The following KCNT1 variants were observed in gnomAD, a reference collection of about 807,000 sequenced individuals.
KCNT1 encodes the protein potassium channel subfamily T member 1.
KCNT1 carries 78 observed loss-of-function variants against 147.8 expected under a neutral mutation model. The ratio of observed to expected loss-of-function variants is 0.53; its 90% CI spans 0.44 to 0.64. The LOEUF (loss-of-function observed/expected upper bound fraction) is 0.64. Among genes scored for constraint, KCNT1 ranks in the 30% least tolerant of loss-of-function variants. The pLI is 0.00. For synonymous variants in KCNT1, 867 were observed against 748.8 expected (o/e 1.16, Z -2.58); for missense variants, 1,419 against 1,750.3 (o/e 0.81, Z 3.38).
chr9:135,718,743 G>A (rs894096512), intron 2 of KCNT1, among the ~76,000 whole-genome samples: 1 of 152,240 alleles, frequency 6.6e-6, no homozygotes, highest in African/African-American at 2.4e-5. Context: ...ACCCCTGGCA[G>A]GCTGTGAGCG....
Position 135,757,349 on chromosome 9 carries a change from T to C in KCNT1, c.727T>C (p.Trp243Arg). ...NLFIPVFLNC[W>R]LAKHALENMI... ...GTTCATCCCCGTCTTTCTGAACTGC[T>C]GGCTGGCCAAGCACGCGCTGGAAAA... The change falls in exon 9 of 31, where the codon TGG (tryptophan) becomes CGG (arginine). Residue 243 changes from tryptophan (W) to arginine (R), a missense_variant. Coordinates refer to ENST00000371757, the MANE Select transcript of KCNT1 (RefSeq NM_020822.3). 1 of 1,610,906 alleles carries C rather than the reference T, an allele frequency of 6.2e-7. No homozygotes were observed. Among genetic ancestry groups the C allele is most frequent in the Admixed American group, 1.7e-5 (1 of 60,008 alleles).
chr9:135,759,002 G>A (rs756113430), intron 10 of KCNT1, among the ~76,000 whole-genome samples: 19 of 152,350 alleles, frequency 1.2e-4, no homozygotes, highest in Middle Eastern at 6.8e-3. Context: ...ACCACTTCCC[G>A]TCCCCAGGCA....
intron 10 of KCNT1, 78 bp from the exon 11 acceptor site, chr9:135,759,601 G>C (rs1220841548): frequency 2.0e-6 from 3 of 1,468,966 alleles, no homozygotes; most frequent in African/African-American, 2.8e-5. Flanking sequence ...AGGGTCCCGT[G>C]GGCAGGCAGG....
At chr9:135,784,158 C>G (rs1172912566) in intron 25 of KCNT1, 33 bp downstream of exon 25, 5 of 1,547,802 alleles carry the variant, frequency 3.2e-6, no homozygotes, top group Non-Finnish European at 4.4e-6. Flanking sequence ...GAGGGTGGCG[C>G]CTGGGTGGGA....
intron 1 of KCNT1, among the ~76,000 whole-genome samples, chr9:135,704,078 G>A (rs897147344): frequency 2.6e-5 from 4 of 152,242 alleles, no homozygotes; most frequent in African/African-American, 7.2e-5. Context: ...CCAGGCAGGT[G>A]GCTTCAGCTG....
Position 135,714,847 on chromosome 9 carries a change from C to G in KCNT1, c.254+127C>G. ...AGCCGCCGGCGCCCTTCAACTTTTC[C>G]CGGCTTCTGGGGACGCAGAAGTTTC... On this transcript the variant is annotated intron_variant, in intron 2 of 30. Coordinates refer to ENST00000371757, the MANE Select transcript of KCNT1 (RefSeq NM_020822.3). This position sits in a 1 kb window ranked among gnomAD's most constrained non-coding sequence, Gnocchi z 6.2. The G allele has an allele frequency of 1.6e-6, 1 of 625,622 alleles. No homozygotes were observed. The highest frequency in any genetic ancestry group is 2.1e-6 in the Non-Finnish European group (1 of 471,766). 38.8% of individuals were successfully genotyped at this position (625,622 alleles called of 1,614,324 possible).
chr9:135,714,589 G>T lies in KCNT1; in HGVS notation c.123G>T (p.Ala41=), dbSNP rs1352859989. ...CGTGTGCCCGCAGGCGGCCCTGCGC[G>T]GGGGACGGCGCGCTCCTGGACACCG... ...DGQCAPRRPC[A]GDGALLDTAG... The change falls in exon 2 of 31, where the codon GCG becomes GCT. Residue 41 remains alanine, a synonymous_variant. Coordinates refer to ENST00000371757, the MANE Select transcript of KCNT1 (RefSeq NM_020822.3). This position sits in a 1 kb window ranked among gnomAD's most constrained non-coding sequence, Gnocchi z 6.2. The T allele has an allele frequency of 2.2e-6, 3 of 1,378,778 alleles. No homozygotes were observed. Among genetic ancestry groups the T allele is most frequent in the South Asian group, 1.4e-5 (1 of 70,892 alleles). The allele number at this position is 1,378,778 out of a possible 1,614,324, so 85.4% of individuals were successfully genotyped here.
Position 135,786,472 on chromosome 9 carries a change from G to A in KCNT1, c.3453G>A (p.Glu1151=), listed in dbSNP as rs1172490170. The A allele has an allele frequency of 6.2e-7, 1 of 1,603,884 alleles. No homozygotes were observed. Among genetic ancestry groups the A allele is most frequent in the African/African-American group, 1.3e-5 (1 of 74,378 alleles). ...GCTCTGAGCGCCAGGAGCTCTCCGA[G>A]CTGGTGAAGAACCGCATGAAGCACC... ...YRRSERQELS[E]LVKNRMKHLG... is the part of the protein sequence containing the mutation. The change falls in exon 29 of 31, where the codon GAG becomes GAA. Residue 1151 remains glutamate, a synonymous_variant. Coordinates refer to ENST00000371757, the MANE Select transcript of KCNT1 (RefSeq NM_020822.3).
In KCNT1 at chr9:135,714,392, C is replaced by G. The variant is rs1483274334; in HGVS notation, c.111-185C>G. On this transcript the variant is annotated intron_variant, in intron 1 of 30. Transcript: ENST00000371757. The surrounding 1 kb of genome is among the most constrained non-coding windows in gnomAD (Gnocchi z 6.2). Reference sequence around the variant, plus strand: ...CCCCCGCCCTAGCCCCAGCCCGGCGCAGCCGGTCCCGCGCGCCCCCGCCCG... The same window carrying G: ...CCCCCGCCCTAGCCCCAGCCCGGCGGAGCCGGTCCCGCGCGCCCCCGCCCG... 1 of 164,454 alleles carries G rather than the reference C, an allele frequency of 6.1e-6. No homozygotes were observed. The highest frequency in any genetic ancestry group is 2.4e-5 in the African/African-American group (1 of 41,332). The allele number at this position is 164,454 out of a possible 1,614,324, so 10.2% of individuals were successfully genotyped here.
intron 2 of KCNT1, among the ~76,000 whole-genome samples, chr9:135,738,815 G>C (rs963454221): frequency 6.6e-6 from 1 of 152,104 alleles, no homozygotes; most frequent in Non-Finnish European, 1.5e-5. Flanking sequence ...TGAGCTCCGG[G>C]GTCTCCTCCT....
rs746396776 is a variant in KCNT1 at position 135,792,000 on chromosome 9, C to T, written c.3588-41C>T. 52 of 1,602,352 alleles carry T rather than the reference C, an allele frequency of 3.2e-5. No individual in the cohort carries two copies. In the Admixed American group the frequency reaches 4.2e-4, roughly 13 times the overall value. ...AGCAGAGGGCTGAGCAGGGGCTGCC[C>T]GGCCCACATCCACTCCAGGGTCCTC... On this transcript the variant is annotated intron_variant, in intron 30 of 30. Coordinates refer to ENST00000371757, the MANE Select transcript of KCNT1 (RefSeq NM_020822.3).
intron 2 of KCNT1, among the ~76,000 whole-genome samples, chr9:135,737,934 G>A (rs770043202): frequency 1.3e-5 from 2 of 152,032 alleles, no homozygotes; most frequent in Admixed American, 1.3e-4. Flanking sequence ...CCAGGGAGGC[G>A]AGCACTGGCC....
chr9:135,732,022 A>AGAGAGAGG (rs1836492362), intron 2 of KCNT1, among the ~76,000 whole-genome samples: 2 of 129,408 alleles, frequency 1.5e-5, no homozygotes, highest in South Asian at 2.9e-4. Flanking sequence ...AGAGAGAGAG[A>AGAGAGAGG]GAGAGAGAGA....
chr9:135,767,179 C>A (rs1008076896), intron 13 of KCNT1, among the ~76,000 whole-genome samples: 1 of 152,166 alleles, frequency 6.6e-6, no homozygotes. Flanking sequence ...TCCAGAGCCC[C>A]AAGCTGGAAC....
chr9:135,736,414 C>T (rs952705298), intron 2 of KCNT1: 15 of 152,220 alleles, frequency 9.9e-5, no homozygotes, highest in African/African-American at 3.1e-4. Flanking sequence ...CCAAAGCAGC[C>T]GCAGGGCCAC....
rs150328091 is a variant in KCNT1, at chr9:135,755,260, C to T, written c.540+91C>T. On this transcript the variant is annotated intron_variant, in intron 6 of 30. Coordinates refer to ENST00000371757, the MANE Select transcript of KCNT1 (RefSeq NM_020822.3). ...AGACTCAGTAAGTAGGGAACCCAGG[C>T]TCGGTGAGCACTGAGGACATACCCA... 2.3e-5 allele frequency: 26 copies of T among 1,135,366 alleles called. No individual in the cohort carries two copies. The East Asian group carries it at 6.4e-4, about 28-fold the overall frequency. The allele number at this position is 1,135,366 out of a possible 1,614,324, so 70.3% of individuals were successfully genotyped here.
intron 2 of KCNT1, among the ~76,000 whole-genome samples, chr9:135,732,030 A>AGG (rs1564328347): frequency 6.2e-4 from 84 of 134,418 alleles, no homozygotes; most frequent in Non-Finnish European, 1.1e-3. Flanking sequence ...AGAGAGAGAG[A>AGG]GAGAGAGAGA....
intron 2 of KCNT1, among the ~76,000 whole-genome samples, chr9:135,726,079 C>T (rs1836126024): frequency 6.6e-6 from 1 of 152,070 alleles, no homozygotes; most frequent in African/African-American, 2.4e-5. Flanking sequence ...CTCCCCTGAC[C>T]TTGATCCACA....
intron 2 of KCNT1, among the ~76,000 whole-genome samples, chr9:135,719,716 C>A (rs893081446): frequency 6.6e-6 from 1 of 152,204 alleles, no homozygotes; most frequent in Non-Finnish European, 1.5e-5. Context: ...GAAGCTTCGT[C>A]CCTGAGCATG....
Sources: allele counts gnomAD v4.1 joint callset (sites outside exome capture counted in the v4.1 genomes callset), GRCh38; gene constraint gnomAD v4.1.1; non-coding constraint Gnocchi (gnomAD v3.1); transcripts MANE v1.5; gene names NCBI Gene and HGNC (gene_info 2026-07-23, HGNC 2026-07-21).